Variants in VPS37A observed in about 807,000 individuals in gnomAD.
VPS37A encodes the protein vacuolar protein sorting-associated protein 37A.
In VPS37A, 30 loss-of-function variants were observed where a neutral mutation model predicts 49.8. The observed-to-expected ratio is 0.60, with a 90% CI of 0.45 to 0.82. VPS37A has a LOEUF of 0.82. VPS37A is among the 40% of genes least tolerant of loss of function. VPS37A has a pLI of 0.00. For missense variants in VPS37A, 593 were observed against 464.4 expected, an observed-to-expected ratio of 1.28 and a Z score of -2.55; for synonymous variants, 195 against 160.6, an observed-to-expected ratio of 1.21 and a Z score of -1.62.
chr8:17,277,583 T>C (rs959057007), intron 6 of VPS37A, among the ~76,000 whole-genome samples: 3 of 151,950 alleles, frequency 2.0e-5, no homozygotes, highest in African/African-American at 7.3e-5. Flanking sequence ...AGATAATACA[T>C]CCTTTTTAAC....
At chr8:17,282,159 A>G (rs1326241943) in intron 9 of VPS37A, among the ~76,000 whole-genome samples, 1 of 152,118 alleles carries the variant, frequency 6.6e-6, no homozygotes, top group Non-Finnish European at 1.5e-5. Context: ...AATCCTCATT[A>G]TTTAAAACAG....
At chr8:17,279,861 G>C (rs1344115036) in intron 6 of VPS37A, 167 bp from the exon 7 acceptor site, 3 of 789,136 alleles carry the variant, frequency 3.8e-6, no homozygotes, top group East Asian at 5.7e-5. Flanking sequence ...TTCCATTGTG[G>C]TTGATGTTTT....
downstream of VPS37A, among the ~76,000 whole-genome samples, chr8:17,304,853 C>T (rs747210253): frequency 6.6e-6 from 1 of 151,810 alleles, no homozygotes; most frequent in Non-Finnish European, 1.5e-5. Flanking sequence ...AAATGTTCCA[C>T]GTTTTCTCTC....
the VPS37A span, among the ~76,000 whole-genome samples, chr8:17,327,504 C>T: frequency 6.6e-6 from 1 of 152,118 alleles, no homozygotes; most frequent in Non-Finnish European, 1.5e-5. Context: ...TGGTCTCAAA[C>T]TCCTGTGGCT....
downstream of VPS37A, chr8:17,298,557 G>C (rs1379543670): frequency 6.6e-6 from 1 of 152,192 alleles, no homozygotes; most frequent in African/African-American, 2.4e-5. Flanking sequence ...AAAAAAATCA[G>C]ATATTCAAAA....
At position 17,269,957 on chromosome 8, in the gene VPS37A, C is replaced by T. The variant is rs79324059; in HGVS notation, c.416+1001C>T. On this transcript the variant is annotated intron_variant, in intron 4 of 11. Coordinates refer to ENST00000324849, the MANE Select transcript of VPS37A (RefSeq NM_152415.3). ...GGCTATACAAGAAGCATGACATTGT[C>T]ATCTGCTTGGCATCTGAGGAGCTTT... 1.7e-3 allele frequency among the ~76,000 whole-genome samples: 262 copies of T among 152,186 alleles called. 3 individuals carry two copies. In the East Asian group the frequency reaches 0.046, roughly 27 times the overall value.
At chr8:17,286,301 A>C (rs925735655) in intron 10 of VPS37A, 46 bp from the exon 11 acceptor site, 1 of 1,502,316 alleles carries the variant, frequency 6.7e-7, no homozygotes, top group Non-Finnish European at 9.2e-7. Flanking sequence ...AGTAGTAGGC[A>C]TATCTTTGTA....
At chr8:17,332,821 G>C in the VPS37A span, among the ~76,000 whole-genome samples, 5 of 152,114 alleles carry the variant, frequency 3.3e-5, no homozygotes, top group African/African-American at 1.2e-4. Context: ...CCAACTTATA[G>C]ATATGTATTT....
chr8:17,266,576 T>G (rs1367830668), intron 2 of VPS37A, among the ~76,000 whole-genome samples: 1 of 152,160 alleles, frequency 6.6e-6, no homozygotes, highest in Non-Finnish European at 1.5e-5. Context: ...TGAGGTTACA[T>G]TAAGTGGCTG....
chr8:17,279,825 A>G (rs1814867097), intron 6 of VPS37A: 3 of 662,682 alleles, frequency 4.5e-6, no homozygotes, highest in Middle Eastern at 5.0e-4. Flanking sequence ...AGATTCTGTC[A>G]AGAATATATT....
chr8:17,320,832 G>A, the VPS37A span, among the ~76,000 whole-genome samples: 21 of 152,290 alleles, frequency 1.4e-4, no homozygotes, highest in African/African-American at 4.6e-4. Flanking sequence ...CACCCTCCAT[G>A]AGCTCTCACC....
At chr8:17,286,248 A>C (rs1374081304) in intron 10 of VPS37A, 99 bp from the exon 11 acceptor site, 2 of 900,050 alleles carry the variant, frequency 2.2e-6, no homozygotes, top group Admixed American at 5.6e-5. Flanking sequence ...ACATAAAATA[A>C]TGCCAACAAG....
chr8:17,305,000 G>A (rs990141926), downstream of VPS37A, among the ~76,000 whole-genome samples: 1 of 152,112 alleles, frequency 6.6e-6, no homozygotes, highest in Non-Finnish European at 1.5e-5. Context: ...AGCAGATACT[G>A]TTAGAATTGG....
the VPS37A span, chr8:17,313,369 A>G: frequency 6.2e-7 from 1 of 1,612,610 alleles, no homozygotes; most frequent in African/African-American, 1.3e-5. Context: ...CCCCACAGGA[A>G]ATCACTCATG....
downstream of VPS37A, chr8:17,304,600 G>T: frequency 2.1e-6 from 3 of 1,456,140 alleles, no homozygotes; most frequent in Middle Eastern, 2.4e-4. Context: ...TGCTGGAAAG[G>T]AACTAATAAT....
downstream of VPS37A, chr8:17,304,544 A>G: frequency 6.2e-7 from 1 of 1,604,974 alleles, no homozygotes; most frequent in African/African-American, 1.3e-5. Flanking sequence ...ATAAGTCTAT[A>G]AATGACCTAT....
intron 11 of VPS37A, among the ~76,000 whole-genome samples, chr8:17,287,887 C>A (rs1490990564): frequency 1.3e-5 from 2 of 151,976 alleles, no homozygotes; most frequent in Admixed American, 1.3e-4. Flanking sequence ...TCTGCCCAGT[C>A]GACTGGGCTG....
the VPS37A span, among the ~76,000 whole-genome samples, chr8:17,309,024 T>A: frequency 0.6 from 91,889 of 152,080 alleles, 28,245 homozygotes; most frequent in African/African-American, 0.66. Flanking sequence ...TGATCCTCAC[T>A]AAGACAATGA....
chr8:17,308,128 G>C, the VPS37A span, among the ~76,000 whole-genome samples: 1 of 151,804 alleles, frequency 6.6e-6, no homozygotes, highest in Admixed American at 6.6e-5. Flanking sequence ...GGGAATTTTA[G>C]TCTTTTATGG....
Sources: allele counts gnomAD v4.1 joint callset (sites outside exome capture counted in the v4.1 genomes callset), GRCh38; gene constraint gnomAD v4.1.1; transcripts MANE v1.5; gene names NCBI Gene and HGNC (gene_info 2026-07-23, HGNC 2026-07-21).